Variants in CAMTA1 observed in about 807,000 individuals in gnomAD.
CAMTA1 encodes the protein calmodulin binding transcription activator 1, also known as calmodulin-binding transcription activator 1.
A neutral mutation model predicts 170.9 loss-of-function variants in CAMTA1; 27 were observed. The observed-to-expected ratio is 0.16, with a 90% CI of 0.12 to 0.22. The LOEUF (loss-of-function observed/expected upper bound fraction) is 0.22. Ranked by LOEUF, CAMTA1 falls within the 10% of genes least tolerant of loss-of-function variation. CAMTA1 has a pLI of 1.00. For synonymous variants in CAMTA1, 833 were observed against 891.5 expected, an observed-to-expected ratio of 0.93 and a Z score of 1.17; for missense variants, 1,619 against 2,217.2, an observed-to-expected ratio of 0.73 and a Z score of 5.42.
intron 5 of CAMTA1, among the ~76,000 whole-genome samples, chr1:7,428,295 C>T (rs1020539962): frequency 6.6e-6 from 1 of 152,088 alleles, no homozygotes; most frequent in African/African-American, 2.4e-5. Context: ...GTTCCATTGC[C>T]AGCACCTAGA....
chr1:7,261,292 A>T (rs138882501), intron 5 of CAMTA1, among the ~76,000 whole-genome samples: 1 of 151,940 alleles, frequency 6.6e-6, no homozygotes, highest in African/African-American at 2.4e-5. Context: ...TTTAGTCTCC[A>T]TGGTTTTGTG....
chr1:7,584,159 T>C (rs901352217), intron 6 of CAMTA1, among the ~76,000 whole-genome samples: 4 of 152,116 alleles, frequency 2.6e-5, no homozygotes, highest in Non-Finnish European at 5.9e-5. Flanking sequence ...TTAAAGATGA[T>C]AAGGCAGACG....
At chr1:7,713,414 G>C (rs562840617) in intron 11 of CAMTA1, among the ~76,000 whole-genome samples, 3 of 152,064 alleles carry the variant, frequency 2.0e-5, no homozygotes, top group Non-Finnish European at 2.9e-5. Flanking sequence ...ATTAGTTTCA[G>C]GAAATGCCTG....
At chr1:7,314,274 C>T (rs1677166208) in intron 5 of CAMTA1, among the ~76,000 whole-genome samples, 1 of 152,282 alleles carries the variant, frequency 6.6e-6, no homozygotes, top group East Asian at 1.9e-4. Context: ...TTCCCCAAAG[C>T]CAGCTCTGCA....
chr1:7,519,906 G>C (rs1253618955), intron 6 of CAMTA1, among the ~76,000 whole-genome samples: 5 of 151,334 alleles, frequency 3.3e-5, no homozygotes, highest in African/African-American at 1.2e-4. Flanking sequence ...CTCTCTCTTT[G>C]ACTACTGCCT....
chr1:7,612,051 A>C (rs530895101), intron 6 of CAMTA1, among the ~76,000 whole-genome samples: 1 of 152,340 alleles, frequency 6.6e-6, no homozygotes, highest in East Asian at 1.9e-4. Context: ...GTGTGTTACA[A>C]TTAATGCTGT....
intron 3 of CAMTA1, among the ~76,000 whole-genome samples, chr1:6,973,067 G>T (rs1412407505): frequency 6.6e-6 from 1 of 152,050 alleles, no homozygotes; most frequent in Non-Finnish European, 1.5e-5. Context: ...GGCCAGGCTG[G>T]TCTTGAACTC....
intron 11 of CAMTA1, among the ~76,000 whole-genome samples, chr1:7,691,798 G>A (rs1340719112): frequency 2.0e-5 from 3 of 152,188 alleles, no homozygotes; most frequent in Admixed American, 1.3e-4. Context: ...AGGTGGCACT[G>A]AATAAAGCAC....
At chr1:7,571,612 G>A (rs1157250822) in intron 6 of CAMTA1, among the ~76,000 whole-genome samples, 2 of 152,112 alleles carry the variant, frequency 1.3e-5, no homozygotes, top group Non-Finnish European at 2.9e-5. Context: ...TCCTGTGTTA[G>A]TCTGCTTAGG....
intron 6 of CAMTA1, among the ~76,000 whole-genome samples, chr1:7,599,525 T>A (rs2095424818): frequency 6.6e-6 from 1 of 152,296 alleles, no homozygotes; most frequent in African/African-American, 2.4e-5. Flanking sequence ...ATAAATTACC[T>A]TGGGGAGTAT....
chr1:7,320,009 C>G (rs2149677277), intron 5 of CAMTA1, among the ~76,000 whole-genome samples: 1 of 152,270 alleles, frequency 6.6e-6, no homozygotes, highest in African/African-American at 2.4e-5. Context: ...CTGCAGTACT[C>G]TGGGTATTTT....
chr1:7,128,919 C>T (rs1281498874), intron 4 of CAMTA1, among the ~76,000 whole-genome samples: 2 of 145,060 alleles, frequency 1.4e-5, no homozygotes, highest in African/African-American at 5.1e-5. Context: ...CAGCTCACTG[C>T]AACCTCTGCC....
intron 3 of CAMTA1, among the ~76,000 whole-genome samples, chr1:6,988,617 G>T (rs550650442): frequency 1.3e-5 from 2 of 150,746 alleles, no homozygotes; most frequent in Non-Finnish European, 2.9e-5. Flanking sequence ...CTACCCCTGC[G>T]CCACGGCAGT....
At chr1:7,350,002 C>T (rs904155968) in intron 5 of CAMTA1, among the ~76,000 whole-genome samples, 9 of 152,128 alleles carry the variant, frequency 5.9e-5, no homozygotes, top group African/African-American at 1.7e-4. Flanking sequence ...ACACTGGGCT[C>T]TCTGTGTGAG....
In CAMTA1 at chr1:7,484,822, C is replaced by A. The variant is rs539279588; in HGVS notation, c.510+16921C>A. 3.8e-4 allele frequency among the ~76,000 whole-genome samples: 58 copies of A among 152,200 alleles called. No individual in the cohort carries two copies. In the East Asian group the frequency reaches 5.0e-3, roughly 13 times the overall value. On this transcript the variant is annotated intron_variant, in intron 6 of 22. Transcript: ENST00000303635. ...AAAAAATCGTGGCTGTTGTCATGAC[C>A]GTTGTGTTGTTACAAAACCACGTGA...
intron 6 of CAMTA1, among the ~76,000 whole-genome samples, chr1:7,516,125 G>A (rs1308202609): frequency 6.6e-5 from 10 of 152,216 alleles, no homozygotes; most frequent in Admixed American, 5.2e-4. Context: ...GCTGGGGAAC[G>A]TGCGCTGACT....
chr1:6,856,005 G>T (rs1260112535), intron 3 of CAMTA1, among the ~76,000 whole-genome samples: 6 of 152,130 alleles, frequency 3.9e-5, no homozygotes, highest in Non-Finnish European at 7.3e-5. Flanking sequence ...GCTCACTAGG[G>T]CGCCACACAA....
intron 3 of CAMTA1, among the ~76,000 whole-genome samples, chr1:7,033,115 T>A (rs1278412751): frequency 6.6e-6 from 1 of 152,206 alleles, no homozygotes; most frequent in Non-Finnish European, 1.5e-5. Flanking sequence ...ATTTGGAAAA[T>A]TTTGGCTGTT....
At position 6,902,075 on chromosome 1, in the gene CAMTA1, AAAAAAAAAT is replaced by A. The variant is rs1677139157; in HGVS notation, c.234+76871_234+76879del. On this transcript the variant is annotated intron_variant, in intron 3 of 22. Coordinates refer to ENST00000303635, the MANE Select transcript of CAMTA1 (RefSeq NM_015215.4). ...CACACACACACACACACACACACAA[AAAAAAAAAT>A]AAAAATAAAAACTCGTACTGGCTTT... 1.7e-4 allele frequency among the ~76,000 whole-genome samples: 14 copies of A among 83,656 alleles called. 1 individual carries two copies. The South Asian group carries it at 6.1e-3, about 36-fold the overall frequency. 54.9% of individuals were successfully genotyped at this position (83,656 alleles called of 152,430 possible). A position where few individuals can be genotyped will look rare whatever the true frequency, so the allele number is the denominator to read the frequency against.
Sources: gnomAD v4.1 joint callset for allele counts (sites outside exome capture counted in the v4.1 genomes callset) on GRCh38, gnomAD v4.1.1 for gene constraint, MANE v1.5 for transcripts, NCBI Gene and HGNC (gene_info 2026-07-23, HGNC 2026-07-21) for gene names.